The following NBEA variants were observed in gnomAD, a reference collection of about 807,000 sequenced individuals.
NBEA encodes lysosomal-trafficking regulator 2.
In NBEA, 44 loss-of-function variants were observed where a neutral mutation model predicts 343.4. The observed-to-expected ratio is 0.13, with a 90% CI of 0.10 to 0.16. NBEA has a LOEUF of 0.16. NBEA is among the 10% of genes least tolerant of loss of function. The probability of loss-of-function intolerance (pLI) is 1.00; values close to 1 mark genes in which losing one functional copy is unlikely to be tolerated. For synonymous variants in NBEA, 1,175 were observed against 1,238.7 expected, an observed-to-expected ratio of 0.95 and a Z score of 1.08; for missense variants, 2,555 against 3,631.3, an observed-to-expected ratio of 0.70 and a Z score of 7.62.
intron 38 of NBEA, among the ~76,000 whole-genome samples, chr13:35,362,360 A>ATG (rs1330730907): frequency 6.6e-6 from 1 of 151,852 alleles, no homozygotes; most frequent in Non-Finnish European, 1.5e-5. Flanking sequence ...GTATGTGTAT[A>ATG]TGTGTGTTTT....
intron 17 of NBEA, among the ~76,000 whole-genome samples, chr13:35,125,503 TA>T (rs2067075483): frequency 6.6e-6 from 1 of 152,294 alleles, no homozygotes; most frequent in Admixed American, 6.5e-5. Context: ...CACAAAGAAT[TA>T]CACAGATGAG....
At chr13:35,664,342 G>T (rs941066944) in intron 55 of NBEA, among the ~76,000 whole-genome samples, 1 of 152,182 alleles carries the variant, frequency 6.6e-6, no homozygotes, top group Non-Finnish European at 1.5e-5. Context: ...GGGATCGGGG[G>T]TGGTTACCCC....
intron 41 of NBEA, among the ~76,000 whole-genome samples, chr13:35,527,593 A>T (rs1191929781): frequency 2.6e-5 from 4 of 152,086 alleles, no homozygotes; most frequent in African/African-American, 9.7e-5. Context: ...CACCCCAAGT[A>T]CACACACACA....
intron 38 of NBEA, among the ~76,000 whole-genome samples, chr13:35,375,558 T>G: frequency 6.6e-6 from 1 of 152,118 alleles, no homozygotes; most frequent in Non-Finnish European, 1.5e-5. Flanking sequence ...TATTTACAGA[T>G]TTTATTCTTT....
At chr13:34,979,996 T>G (rs539054564) in intron 1 of NBEA, among the ~76,000 whole-genome samples, 1 of 152,320 alleles carries the variant, frequency 6.6e-6, no homozygotes, top group African/African-American at 2.4e-5. Context: ...GTAGTACCTT[T>G]GAAGAAAGTT....
chr13:35,297,465 T>C (rs990268109), intron 35 of NBEA, among the ~76,000 whole-genome samples: 5 of 152,066 alleles, frequency 3.3e-5, no homozygotes, highest in African/African-American at 1.2e-4. Context: ...TGAAGAATTC[T>C]ATTCTGCCAA....
chr13:35,377,932 A>G (rs1482635435), intron 38 of NBEA, among the ~76,000 whole-genome samples: 1 of 152,190 alleles, frequency 6.6e-6, no homozygotes, highest in Admixed American at 6.5e-5. Context: ...GAAGTTTCTT[A>G]TTTATTATTT....
chr13:35,671,345 T>C lies in NBEA; in HGVS notation c.*354T>C, dbSNP rs1291013334. ...GTCCAGTTGTTACAAAGTTTAAGCT[T>C]TGAACCTAACCTGCATCCCATTTCC... On this transcript the variant is annotated 3_prime_UTR_variant, in exon 59 of 59. Transcript: ENST00000379939. 2 of 171,808 alleles carry C rather than the reference T, an allele frequency of 1.2e-5. No individual in the cohort carries two copies. Among genetic ancestry groups the C allele is most frequent in the South Asian group, 1.9e-4 (1 of 5,268 alleles). 10.6% of individuals were successfully genotyped at this position (171,808 alleles called of 1,614,324 possible).
At chr13:35,121,129 G>A (rs1158956285) in intron 16 of NBEA, among the ~76,000 whole-genome samples, 1 of 151,624 alleles carries the variant, frequency 6.6e-6, no homozygotes, top group East Asian at 1.9e-4. Context: ...TTTTTTTTTA[G>A]AGTCTCGCTC....
chr13:35,113,625 C>G (rs545458898), intron 13 of NBEA, among the ~76,000 whole-genome samples: 3 of 151,978 alleles, frequency 2.0e-5, no homozygotes, highest in Admixed American at 1.3e-4. Context: ...ATCTATCTAT[C>G]TATCTGTCTG....
chr13:35,534,823 AT>A (rs924746230), intron 41 of NBEA, among the ~76,000 whole-genome samples: 10 of 151,990 alleles, frequency 6.6e-5, no homozygotes, highest in Admixed American at 5.2e-4. Flanking sequence ...TGCCGACTGA[AT>A]TTTTTTTGAT....
At chr13:35,127,847 G>A (rs17776070) in intron 17 of NBEA, among the ~76,000 whole-genome samples, 6,961 of 151,712 alleles carry the variant, frequency 0.046, 238 homozygotes, top group Non-Finnish European at 0.068. Flanking sequence ...TGAAAAATCC[G>A]TAAAGATCAG....
At chr13:35,465,927 C>T (rs1268678283) in intron 40 of NBEA, among the ~76,000 whole-genome samples, 3 of 151,518 alleles carry the variant, frequency 2.0e-5, no homozygotes, top group African/African-American at 7.3e-5. Context: ...ATATAAGAGT[C>T]TTTCTCAGTA....
intron 18 of NBEA, among the ~76,000 whole-genome samples, chr13:35,145,489 C>T (rs1396848327): frequency 6.6e-6 from 1 of 152,106 alleles, no homozygotes; most frequent in African/African-American, 2.4e-5. Context: ...AGTGGGTCTG[C>T]ATACAAGGAT....
intron 49 of NBEA, among the ~76,000 whole-genome samples, chr13:35,630,874 T>G (rs1306134090): frequency 6.6e-6 from 1 of 152,084 alleles, no homozygotes; most frequent in African/African-American, 2.4e-5. Context: ...AGGGGGCCAT[T>G]TAGTACAGTG....
intron 47 of NBEA, among the ~76,000 whole-genome samples, chr13:35,598,557 T>A (rs942927998): frequency 6.6e-6 from 1 of 152,204 alleles, no homozygotes; most frequent in African/African-American, 2.4e-5. Flanking sequence ...TACAGCAGCT[T>A]TAAAACTGTG....
chr13:35,521,272 T>C (rs1420850725), intron 41 of NBEA, among the ~76,000 whole-genome samples: 1 of 152,158 alleles, frequency 6.6e-6, no homozygotes, highest in African/African-American at 2.4e-5. Context: ...TACATTTCCT[T>C]AGTCAAAAAC....
At chr13:35,205,925 G>C (rs1435279411) in intron 31 of NBEA, among the ~76,000 whole-genome samples, 1 of 151,998 alleles carries the variant, frequency 6.6e-6, no homozygotes, top group Non-Finnish European at 1.5e-5. Flanking sequence ...GGAGAATGAA[G>C]CTTAGAGAGA....
intron 8 of NBEA, among the ~76,000 whole-genome samples, chr13:35,059,673 A>C (rs2152567980): frequency 6.6e-6 from 1 of 151,780 alleles, no homozygotes; most frequent in African/African-American, 2.4e-5. Context: ...AATGGAAAGG[A>C]GTAGTAAATA....
Sources: gnomAD v4.1 joint callset for allele counts (sites outside exome capture counted in the v4.1 genomes callset) on GRCh38, gnomAD v4.1.1 for gene constraint, MANE v1.5 for transcripts, NCBI Gene and HGNC (gene_info 2026-07-23, HGNC 2026-07-21) for gene names.